ACOX3: variants seen among roughly 807,000 people sequenced by gnomAD.
The protein encoded by ACOX3 is peroxisomal acyl-coenzyme A oxidase 3.
A neutral mutation model predicts 81.5 loss-of-function variants in ACOX3; 73 were observed. That is an observed-to-expected ratio of 0.90 (90% CI 0.74 to 1.09). ACOX3 has a LOEUF of 1.09. Ranked by LOEUF, ACOX3 falls within the 50% of genes least tolerant of loss-of-function variation. ACOX3 has a pLI of 0.00. For synonymous variants in ACOX3, 387 were observed against 375.1 expected, an observed-to-expected ratio of 1.03 and a Z score of -0.37; for missense variants, 947 against 928.0, an observed-to-expected ratio of 1.02 and a Z score of -0.27.
rs1722741669 is a variant in ACOX3 at position 8,419,819 on chromosome 4, C to T, written c.-14-3284G>A. On this transcript the variant is annotated intron_variant, in intron 1 of 17. Coordinates refer to ENST00000356406, the MANE Select transcript of ACOX3 (RefSeq NM_003501.3). This position sits in a 1 kb window ranked among gnomAD's most constrained non-coding sequence, Gnocchi z 4.2. ...TGACCCAGCTTCGCCTCCTGCACCC[C>T]AGTTCCACACTGCCAGTCACCCAAG... 6.6e-6 allele frequency among the ~76,000 whole-genome samples: 1 copy of T among 152,154 alleles called. No homozygotes were observed. The highest frequency in any genetic ancestry group is 1.5e-5 in the Non-Finnish European group (1 of 68,032).
downstream of ACOX3, among the ~76,000 whole-genome samples, chr4:8,362,214 G>A (rs180758606): frequency 7.5e-4 from 115 of 152,320 alleles, no homozygotes; most frequent in African/African-American, 2.5e-3. Flanking sequence ...CTCATAGAGA[G>A]CTGAAATGTT....
At position 8,390,731 on chromosome 4, in the gene ACOX3, T is replaced by C. The variant is rs115746626; in HGVS notation, c.1301-997A>G. On this transcript the variant is annotated intron_variant, in intron 11 of 17. Coordinates refer to ENST00000356406, the MANE Select transcript of ACOX3 (RefSeq NM_003501.3). ...CTAGCAGGAAGGGAGTGGAGCTGACTTCTCACACTCACGTACTGTGACTGA... is the reference window on the plus strand; with the variant it reads ...CTAGCAGGAAGGGAGTGGAGCTGACCTCTCACACTCACGTACTGTGACTGA... Among the ~76,000 whole-genome samples the C allele has an allele frequency of 5.5e-3, 845 of 152,326 alleles. 6 individuals carry two copies. The highest frequency in any genetic ancestry group is 0.019 in the African/African-American group (808 of 41,568).
chr4:8,391,255 G>A (rs1022159850), intron 11 of ACOX3, among the ~76,000 whole-genome samples: 1 of 152,236 alleles, frequency 6.6e-6, no homozygotes. Context: ...ATGTCAGTAA[G>A]TGACAAAGAC....
intron 10 of ACOX3, 96 bp from the exon 11 acceptor site, chr4:8,392,549 C>T (rs1251144917): frequency 3.8e-6 from 5 of 1,318,802 alleles, no homozygotes; most frequent in Non-Finnish European, 5.0e-6. Flanking sequence ...CATATCACCT[C>T]TAGTCTAATA....
chr4:8,391,860 G>A (rs751828373), intron 11 of ACOX3, among the ~76,000 whole-genome samples: 2 of 152,204 alleles, frequency 1.3e-5, no homozygotes, highest in Non-Finnish European at 2.9e-5. Flanking sequence ...CATCAATGCC[G>A]ATATAACTAA....
intron 1 of ACOX3, among the ~76,000 whole-genome samples, chr4:8,427,607 T>C (rs1723624524): frequency 6.6e-6 from 1 of 152,200 alleles, no homozygotes; most frequent in African/African-American, 2.4e-5. Context: ...CACAGTTCTC[T>C]TCCGTGACCC....
intron 7 of ACOX3, among the ~76,000 whole-genome samples, chr4:8,403,621 G>A (rs1720602736): frequency 6.6e-6 from 1 of 152,204 alleles, no homozygotes; most frequent in Non-Finnish European, 1.5e-5. Flanking sequence ...TGTGTTAGTG[G>A]CGATCCTATA....
intron 10 of ACOX3, among the ~76,000 whole-genome samples, chr4:8,393,564 AAAAG>A (rs74800592): frequency 0.11 from 16,896 of 151,766 alleles, 1,449 homozygotes; most frequent in African/African-American, 0.23. Context: ...TTAATTTTAA[AAAAG>A]AAAGACAATT....
chr4:8,428,141 G>T (rs571952184), intron 1 of ACOX3, among the ~76,000 whole-genome samples: 1 of 152,240 alleles, frequency 6.6e-6, no homozygotes, highest in Non-Finnish European at 1.5e-5. Flanking sequence ...AAAGTCCTCC[G>T]AATGCCCAGC....
In ACOX3 at chr4:8,416,538, G is replaced by A. The variant is rs747414441; in HGVS notation, c.-14-3C>T. 1.9e-6 allele frequency: 3 copies of A among 1,578,440 alleles called. No individual in the cohort carries two copies. The highest frequency in any genetic ancestry group is 1.8e-5 in the Admixed American group (1 of 55,348). ...GGATGCCATCGCGTGATAAGAGCCT[G>A]CACAAAACATGCAACCTGAATCCAT... On this transcript the variant is annotated splice_polypyrimidine_tract_variant and splice_region_variant and intron_variant, in intron 1 of 17. Coordinates refer to ENST00000356406, the MANE Select transcript of ACOX3 (RefSeq NM_003501.3). This position sits in a 1 kb window ranked among gnomAD's most constrained non-coding sequence, Gnocchi z 4.2.
intron 1 of ACOX3, among the ~76,000 whole-genome samples, chr4:8,427,643 T>G (rs1190331631): frequency 6.6e-6 from 1 of 152,158 alleles, no homozygotes; most frequent in African/African-American, 2.4e-5. Flanking sequence ...GCTATAACAC[T>G]CACCGCATGG....
rs1263624994 is a variant in ACOX3, at chr4:8,368,398, C to G, written c.1984-1318G>C. 2.0e-5 allele frequency among the ~76,000 whole-genome samples: 3 copies of G among 152,242 alleles called. No individual in the cohort carries two copies. In the East Asian group the frequency reaches 5.8e-4, roughly 29 times the overall value. ...ACCCGTGCAGGGTGGAAAGGGGCAG[C>G]CCAGACCATCTCCAGGGCCTGGGGA... On this transcript the variant is annotated intron_variant, in intron 17 of 17. Coordinates refer to ENST00000356406, the MANE Select transcript of ACOX3 (RefSeq NM_003501.3). The surrounding 1 kb of genome is among the most constrained non-coding windows in gnomAD (Gnocchi z 5.9).
Position 8,416,206 on chromosome 4 carries a change from C to CT in ACOX3, c.144+171dup, listed in dbSNP as rs1397367562. Among the ~76,000 whole-genome samples the CT allele has an allele frequency of 6.6e-6, 1 of 152,190 alleles. No homozygotes were observed. The highest frequency in any genetic ancestry group is 1.9e-4 in the East Asian group (1 of 5,198). ...ACAATCCGTGTTCATTTCCAGACTC[C>CT]TCATCAATTCCCTGAGGCCTGTCCT... On this transcript the variant is annotated intron_variant, in intron 2 of 17. Coordinates refer to ENST00000356406, the MANE Select transcript of ACOX3 (RefSeq NM_003501.3). This position sits in a 1 kb window ranked among gnomAD's most constrained non-coding sequence, Gnocchi z 4.2.
At position 8,430,618 on chromosome 4, in the gene ACOX3, G is replaced by A. The variant is rs907800539; in HGVS notation, c.-15+10030C>T. 6.6e-6 allele frequency among the ~76,000 whole-genome samples: 1 copy of A among 152,184 alleles called. No individual in the cohort carries two copies. Among genetic ancestry groups the A allele is most frequent in the Non-Finnish European group, 1.5e-5 (1 of 68,032 alleles). On this transcript the variant is annotated intron_variant, in intron 1 of 17. Coordinates refer to ENST00000356406, the MANE Select transcript of ACOX3 (RefSeq NM_003501.3). This position sits in a 1 kb window ranked among gnomAD's most constrained non-coding sequence, Gnocchi z 5.2. ...CACCTATAATCTTAGCACTTTGGGA[G>A]GTCGAGGTGGGCAGATCACTTGAGG... is the stretch of plus-strand genomic sequence containing the variant.
In ACOX3 at chr4:8,414,542, C is replaced by T. The variant is rs1164723508; in HGVS notation, c.454-161G>A. Reference sequence around the variant, plus strand: ...GACTTGACTGAGTCATGCTGCCACACTCAGCTGGCAACCACAGCAGCCTAA... The same window carrying T: ...GACTTGACTGAGTCATGCTGCCACATTCAGCTGGCAACCACAGCAGCCTAA... On this transcript the variant is annotated intron_variant, in intron 4 of 17. Coordinates refer to ENST00000356406, the MANE Select transcript of ACOX3 (RefSeq NM_003501.3). This position sits in a 1 kb window ranked among gnomAD's most constrained non-coding sequence, Gnocchi z 6.1. Among the ~76,000 whole-genome samples the T allele has an allele frequency of 6.6e-6, 1 of 152,220 alleles. No individual in the cohort carries two copies. The highest frequency in any genetic ancestry group is 1.5e-5 in the Non-Finnish European group (1 of 68,038).
At position 8,399,881 on chromosome 4, in the gene ACOX3, C is replaced by G. The variant is rs1390042315; in HGVS notation, c.777-229G>C. On this transcript the variant is annotated intron_variant, in intron 7 of 17. Transcript: ENST00000356406. This position sits in a 1 kb window ranked among gnomAD's most constrained non-coding sequence, Gnocchi z 4.9. ...TTGGAAGACTGAGGCAGGAGGATTG[C>G]TTGAGCCCAGGAGTTTGAGACCAGC... is the stretch of plus-strand genomic sequence containing the variant. Among the ~76,000 whole-genome samples, 1 of 152,192 alleles carries G rather than the reference C, an allele frequency of 6.6e-6. No homozygotes were observed. The highest frequency in any genetic ancestry group is 1.5e-5 in the Non-Finnish European group (1 of 68,034).
At chr4:8,436,357 G>A (rs764572578) in intron 1 of ACOX3, 5 of 152,146 alleles carry the variant, frequency 3.3e-5, no homozygotes, top group African/African-American at 4.8e-5. Context: ...CTGTCGTTAA[G>A]CTGAGCTCAT....
rs552283095 is a variant in ACOX3 at position 8,372,749 on chromosome 4, G to A, written c.1896+812C>T. ...GTGTGAAAGCAGTGACAGGGGAGAT[G>A]AAAGGCCACGTCTGCAGTCACCTGA... On this transcript the variant is annotated intron_variant, in intron 16 of 17. Coordinates refer to ENST00000356406, the MANE Select transcript of ACOX3 (RefSeq NM_003501.3). 3.5e-3 allele frequency among the ~76,000 whole-genome samples: 529 copies of A among 152,340 alleles called. 2 individuals are homozygous for A. Among genetic ancestry groups the A allele is most frequent in the Middle Eastern group, 6.8e-3 (2 of 294 alleles).
chr4:8,377,619 T>C (rs528666656), intron 14 of ACOX3, among the ~76,000 whole-genome samples: 3 of 152,204 alleles, frequency 2.0e-5, no homozygotes, highest in Non-Finnish European at 4.4e-5. Context: ...AGGATTTGCC[T>C]GCATGATACT....
Sources: allele counts gnomAD v4.1 joint callset (sites outside exome capture counted in the v4.1 genomes callset), GRCh38; gene constraint gnomAD v4.1.1; non-coding constraint Gnocchi (gnomAD v3.1); transcripts MANE v1.5; gene names NCBI Gene and HGNC (gene_info 2026-07-23, HGNC 2026-07-21).